The following KBTBD7 variants were observed in gnomAD, a reference collection of about 807,000 sequenced individuals.
KBTBD7 encodes kelch repeat and BTB domain-containing protein 7.
A neutral mutation model predicts 50.3 loss-of-function variants in KBTBD7; 25 were observed. That is an observed-to-expected ratio of 0.50 (90% CI 0.36 to 0.69). The LOEUF (loss-of-function observed/expected upper bound fraction) is 0.69, where lower values mean the gene tolerates loss of function less well. Ranked by LOEUF, KBTBD7 falls within the 30% of genes least tolerant of loss-of-function variation. KBTBD7 has a pLI of 0.00. For missense variants in KBTBD7, 653 were observed against 869.5 expected (o/e 0.75, Z 3.13); for synonymous variants, 305 against 325.3 (o/e 0.94, Z 0.67).
At position 41,192,195 on chromosome 13, in the gene KBTBD7, A is replaced by T; in HGVS notation, c.*8T>A. The T allele has an allele frequency of 6.3e-7, 1 of 1,594,904 alleles. No individual in the cohort carries two copies. On this transcript the variant is annotated 3_prime_UTR_variant, in exon 1 of 1. Coordinates refer to ENST00000379483, the MANE Select transcript of KBTBD7 (RefSeq NM_032138.7). ...CAGTAGAAACATCTTAGTGTCTCAA[A>T]ATACTATTTACAAAGAACCCTGCTG...
rs1289103704 is a variant in KBTBD7 at position 41,194,286 on chromosome 13, G to C, written c.-29C>G. The C allele has an allele frequency of 1.9e-6, 3 of 1,604,416 alleles. No homozygotes were observed. Among genetic ancestry groups the C allele is most frequent in the Non-Finnish European group, 2.6e-6 (3 of 1,174,306 alleles). ...GGAGATGGCGACGGGCGCTGACGGC[G>C]AGAAAGGCTGCAGGACCAGGCTCTG... On this transcript the variant is annotated 5_prime_UTR_variant, in exon 1 of 1. Coordinates refer to ENST00000379483, the MANE Select transcript of KBTBD7 (RefSeq NM_032138.7).
In KBTBD7 at chr13:41,194,264, G is replaced by A; in HGVS notation, c.-7C>T. 6.2e-7 allele frequency: 1 copy of A among 1,609,422 alleles called. No individual in the cohort carries two copies. The highest frequency in any genetic ancestry group is 8.5e-7 in the Non-Finnish European group (1 of 1,176,990). ...CGTCTTCCCGGGACTGCATGGTGGA[G>A]ATGGCGACGGGCGCTGACGGCGAGA... is the stretch of plus-strand genomic sequence containing the variant. On this transcript the variant is annotated 5_prime_UTR_variant, in exon 1 of 1. Coordinates refer to ENST00000379483, the MANE Select transcript of KBTBD7 (RefSeq NM_032138.7).
chr13:41,189,928 A>G lies in KBTBD7; in HGVS notation c.*2275T>C, dbSNP rs2031346561. 6.6e-6 allele frequency: 1 copy of G among 152,214 alleles called. No individual in the cohort carries two copies. The highest frequency in any genetic ancestry group is 2.4e-5 in the African/African-American group (1 of 41,466). 9.4% of individuals were successfully genotyped at this position (152,214 alleles called of 1,614,324 possible). A position where few individuals can be genotyped will look rare whatever the true frequency, so the allele number is the denominator to read the frequency against. On this transcript the variant is annotated 3_prime_UTR_variant, in exon 1 of 1. Coordinates refer to ENST00000379483, the MANE Select transcript of KBTBD7 (RefSeq NM_032138.7). The stretch of plus-strand genomic sequence containing the variant: ...CATCTACTCCTTAATTCACAAATAG[A>G]TCACAAAACCAAGATCCTTCCCAAG...
chr13:41,192,713 A>G lies in KBTBD7; in HGVS notation c.1545T>C (p.Phe515=). ...LNCASLKRSD[F]QEACVFNDEI... ...CATCATTGAAGACACATGCTTCCTG[A>G]AAGTCACTACGTTTAAGAGAAGCAC... The change falls in exon 1 of 1, where the codon TTT becomes TTC. Residue 515 remains phenylalanine (F), a synonymous_variant. Transcript: ENST00000379483. 1 of 1,614,214 alleles carries G rather than the reference A, an allele frequency of 6.2e-7. No homozygotes were observed. The highest frequency in any genetic ancestry group is 8.5e-7 in the Non-Finnish European group (1 of 1,180,036).
Position 41,194,441 on chromosome 13 carries a change from T to C in KBTBD7, c.-184A>G. On this transcript the variant is annotated 5_prime_UTR_variant, in exon 1 of 1. Transcript: ENST00000379483. ...CTCCCTTTATTGCATAGACAGTGGCTGACTCACCCTCTCTCACTCCCGCGC... is the reference window on the plus strand; with the variant it reads ...CTCCCTTTATTGCATAGACAGTGGCCGACTCACCCTCTCTCACTCCCGCGC... 6 of 753,566 alleles carry C rather than the reference T, an allele frequency of 8.0e-6. No homozygotes were observed. Among genetic ancestry groups the C allele is most frequent in the South Asian group, 2.0e-5 (1 of 51,120 alleles). The allele number at this position is 753,566 out of a possible 1,614,324, so 46.7% of individuals were successfully genotyped here.
Position 41,192,553 on chromosome 13 carries a change from G to C in KBTBD7, c.1705C>G (p.Leu569Val). 1.2e-6 allele frequency: 2 copies of C among 1,614,212 alleles called. No homozygotes were observed. The highest frequency in any genetic ancestry group is 1.7e-6 in the Non-Finnish European group (2 of 1,180,028). ...YQIVNHDQKL[L>V]LITSTTPQWK... Reference sequence around the variant, plus strand: ...TGTGGGGTTGTAGAAGTGATGAGAAGCAACTTTTGGTCATGATTGACAATC... The same window carrying C: ...TGTGGGGTTGTAGAAGTGATGAGAACCAACTTTTGGTCATGATTGACAATC... Residue 569 changes from leucine to valine, a missense_variant, in exon 1 of 1, where the codon CTT (leucine) becomes GTT (valine). Transcript: ENST00000379483.
Position 41,192,883 on chromosome 13 carries a change from C to T in KBTBD7, c.1375G>A (p.Val459Ile), listed in dbSNP as rs2031427419. Reference sequence around the variant, plus strand: ...ACCAATGCCCACTGGTTTCTCTGAACACTGTAGCATTCCACTTCCTTCAAC... The same window carrying T: ...ACCAATGCCCACTGGTTTCTCTGAATACTGTAGCATTCCACTTCCTTCAAC... ...VKLKEVECYSVQRNQWALVAP... is the reference protein window; with the variant it reads ...VKLKEVECYSIQRNQWALVAP... The change falls in exon 1 of 1, where the codon GTT becomes ATT. Residue 459 changes from valine to isoleucine, a missense_variant. Transcript: ENST00000379483. The T allele has an allele frequency of 4.3e-6, 7 of 1,614,218 alleles. No individual in the cohort carries two copies. The Middle Eastern group carries it at 8.2e-4, about 190-fold the overall frequency.
rs753184411 is a variant in KBTBD7, at chr13:41,192,788, G to A, written c.1470C>T (p.Asn490=). ...GATCATAGCAAAGCATGCGCTTACT[G>A]TTGACAGCATAAAGATAGTTCTGAA... ...IVVQNYLYAV[N]SKRMLCYDPS... Residue 490 remains asparagine, a synonymous_variant, in exon 1 of 1, where the codon AAC becomes AAT. Coordinates refer to ENST00000379483, the MANE Select transcript of KBTBD7 (RefSeq NM_032138.7). The A allele has an allele frequency of 1.2e-5, 20 of 1,614,058 alleles. No homozygotes were observed. The highest frequency in any genetic ancestry group is 3.4e-6 in the Non-Finnish European group (4 of 1,180,026).
chr13:41,193,943 G>A lies in KBTBD7; in HGVS notation c.315C>T (p.Tyr105=). 2 of 1,613,838 alleles carry A rather than the reference G, an allele frequency of 1.2e-6. No individual in the cohort carries two copies. The highest frequency in any genetic ancestry group is 1.7e-6 in the Non-Finnish European group (2 of 1,179,850). The change falls in exon 1 of 1, where the codon TAC becomes TAT. Residue 105 remains tyrosine (Y), a synonymous_variant. Coordinates refer to ENST00000379483, the MANE Select transcript of KBTBD7 (RefSeq NM_032138.7). This position sits in a 1 kb window ranked among gnomAD's most constrained non-coding sequence, Gnocchi z 5.7. ...YFKSMFTGGM[Y]ESQQASVTMH... ...TGGTCACGCTGGCCTGCTGGCTCTC[G>A]TACATGCCACCTGTGAACATGCTCT...
Position 41,192,787 on chromosome 13 carries a change from TG to T in KBTBD7, c.1470del (p.Asn490LysfsTer16). ...IVVQNYLYAVNSKRMLCYDPS... is the reference protein window; with the variant it reads ...IVVQNYLYAVXSKRMLCYDPS... ...GGATCATAGCAAAGCATGCGCTTAC[TG>T]TTGACAGCATAAAGATAGTTCTGAA... On this transcript the variant is annotated frameshift_variant, in exon 1 of 1. Coordinates refer to ENST00000379483, the MANE Select transcript of KBTBD7 (RefSeq NM_032138.7). LOFTEE classifies it high-confidence loss of function. 6.2e-7 allele frequency: 1 copy of T among 1,614,214 alleles called. No homozygotes were observed. The highest frequency in any genetic ancestry group is 1.7e-5 in the Admixed American group (1 of 60,028).
chr13:41,194,418 C>A lies in KBTBD7; in HGVS notation c.-161G>T, dbSNP rs1566036005. The A allele has an allele frequency of 1.1e-6, 1 of 901,714 alleles. No individual in the cohort carries two copies. The highest frequency in any genetic ancestry group is 1.7e-6 in the Non-Finnish European group (1 of 598,498). 55.9% of individuals were successfully genotyped at this position (901,714 alleles called of 1,614,324 possible). ...TCAGCCCTATCCCGCGGTGAGGCCT[C>A]CCTTTATTGCATAGACAGTGGCTGA... On this transcript the variant is annotated 5_prime_UTR_variant, in exon 1 of 1. Coordinates refer to ENST00000379483, the MANE Select transcript of KBTBD7 (RefSeq NM_032138.7).
chr13:41,192,248 T>C lies in KBTBD7; in HGVS notation c.2010A>G (p.Gln670=). Residue 670 remains glutamine, a synonymous_variant, in exon 1 of 1, where the codon CAA becomes CAG. Coordinates refer to ENST00000379483, the MANE Select transcript of KBTBD7 (RefSeq NM_032138.7). ...SSFSDDEVWV[Q]VAPQRNAQDQ... is the part of the protein sequence containing the mutation. ...CCTGTGCATTTCGCTGAGGTGCTAC[T>C]TGCACCCAGACTTCATCATCTGAAA... is the stretch of plus-strand genomic sequence containing the variant. 1 of 1,614,140 alleles carries C rather than the reference T, an allele frequency of 6.2e-7. No individual in the cohort carries two copies. The highest frequency in any genetic ancestry group is 8.5e-7 in the Non-Finnish European group (1 of 1,179,996).
Position 41,194,527 on chromosome 13 carries a change from A to C in KBTBD7, c.-270T>G. Reference sequence around the variant, plus strand: ...CTGGCTTGCAGCCGCGGAAGCCCCCACTGCCGCGCTGGCGATCCCGCTAGG... The same window carrying C: ...CTGGCTTGCAGCCGCGGAAGCCCCCCCTGCCGCGCTGGCGATCCCGCTAGG... On this transcript the variant is annotated 5_prime_UTR_variant, in exon 1 of 1. Coordinates refer to ENST00000379483, the MANE Select transcript of KBTBD7 (RefSeq NM_032138.7). The C allele has an allele frequency of 5.8e-6, 3 of 520,922 alleles. No homozygotes were observed. The highest frequency in any genetic ancestry group is 7.0e-6 in the Non-Finnish European group (2 of 284,478). 32.3% of individuals were successfully genotyped at this position (520,922 alleles called of 1,614,324 possible).
Position 41,191,352 on chromosome 13 carries a change from G to C in KBTBD7, c.*851C>G, listed in dbSNP as rs1462868476. On this transcript the variant is annotated 3_prime_UTR_variant, in exon 1 of 1. Transcript: ENST00000379483. ...TCTGAGTCAGTAAAGCATGTATTGG[G>C]CATAAATTAAAAACACAAACATAAA... 1.3e-5 allele frequency: 2 copies of C among 148,924 alleles called. No individual in the cohort carries two copies. Among genetic ancestry groups the C allele is most frequent in the Non-Finnish European group, 3.0e-5 (2 of 67,498 alleles). 9.2% of individuals were successfully genotyped at this position (148,924 alleles called of 1,614,324 possible).
In KBTBD7 at chr13:41,193,759, G is replaced by A. The variant is rs780667713; in HGVS notation, c.499C>T (p.Arg167Cys). The A allele has an allele frequency of 3.1e-6, 5 of 1,614,116 alleles. No individual in the cohort carries two copies. The highest frequency in any genetic ancestry group is 1.1e-5 in the South Asian group (1 of 91,082). ...REACASFLAR[R>C]LDLTNCTAIL... The stretch of plus-strand genomic sequence containing the variant: ...GCGGTGCAGTTGGTCAGGTCAAGAC[G>A]TCGGGCTAAGAAGGAGGCACAGGCT... The change falls in exon 1 of 1, where the codon CGT becomes TGT. Residue 167 changes from arginine (R) to cysteine (C), a missense_variant. By Grantham distance (180) the Arg-to-Cys change is radical (BLOSUM62 -3). Around this residue, in one of 3 missense-constraint regions of KBTBD7, gnomAD observed 526 missense variants for 717.1 expected, o/e 0.73. Transcript: ENST00000379483. The surrounding 1 kb of genome is among the most constrained non-coding windows in gnomAD (Gnocchi z 5.7).
chr13:41,194,405 C>G lies in KBTBD7; in HGVS notation c.-148G>C. 11 of 1,039,690 alleles carry G rather than the reference C, an allele frequency of 1.1e-5. No individual in the cohort carries two copies. Among genetic ancestry groups the G allele is most frequent in the Non-Finnish European group, 1.5e-5 (11 of 723,182 alleles). The allele number at this position is 1,039,690 out of a possible 1,614,324, so 64.4% of individuals were successfully genotyped here. On this transcript the variant is annotated 5_prime_UTR_variant, in exon 1 of 1. Transcript: ENST00000379483. ...CGCACTTCTGAATTCAGCCCTATCC[C>G]GCGGTGAGGCCTCCCTTTATTGCAT...
In KBTBD7 at chr13:41,193,305, C is replaced by T; in HGVS notation, c.953G>A (p.Ser318Asn). 6.2e-7 allele frequency: 1 copy of T among 1,611,946 alleles called. No homozygotes were observed. The highest frequency in any genetic ancestry group is 8.5e-7 in the Non-Finnish European group (1 of 1,178,464). The change falls in exon 1 of 1, where the codon AGC becomes AAC. Residue 318 changes from serine to asparagine, a missense_variant. By Grantham distance (46) the Ser-to-Asn change is conservative (BLOSUM62 1). Around this residue, in one of 3 missense-constraint regions of KBTBD7, gnomAD observed 526 missense variants for 717.1 expected, o/e 0.73. Transcript: ENST00000379483. The surrounding 1 kb of genome is among the most constrained non-coding windows in gnomAD (Gnocchi z 5.7). ...AGAGTTGCTGCTGCTACTGCTGCTG[C>T]TGCTGTTTGGCACTGGCACCAGAGA... ...YKSLVPVPNS[S>N]SSSSSSNSLV...
Position 41,192,222 on chromosome 13 carries a change from T to C in KBTBD7, c.2036A>G (p.Asp679Gly), listed in dbSNP as rs1401389295. Residue 679 changes from aspartate (D) to glycine (G), a missense_variant, in exon 1 of 1, where the codon GAT becomes GGT. Asp to Gly is a moderately conservative substitution (Grantham distance 94, BLOSUM62 -1). Around this residue, in one of 3 missense-constraint regions of KBTBD7, gnomAD observed 526 missense variants for 717.1 expected, o/e 0.73. Coordinates refer to ENST00000379483, the MANE Select transcript of KBTBD7 (RefSeq NM_032138.7). ...VQVAPQRNAQ[D>G]QQGSL ...TACTATTTACAAAGAACCCTGCTGATCCTGTGCATTTCGCTGAGGTGCTAC... is the reference window on the plus strand; with the variant it reads ...TACTATTTACAAAGAACCCTGCTGACCCTGTGCATTTCGCTGAGGTGCTAC... 6.8e-6 allele frequency: 11 copies of C among 1,613,460 alleles called. No homozygotes were observed. The highest frequency in any genetic ancestry group is 2.2e-5 in the South Asian group (2 of 90,996).
rs141467119 is a variant in KBTBD7, at chr13:41,192,862, A to G, written c.1396T>C (p.Leu466=). Residue 466 remains leucine, a synonymous_variant, in exon 1 of 1, where the codon TTG becomes CTG. Transcript: ENST00000379483. ...CYSVQRNQWA[L]VAPVPHSFYS... is the part of the protein sequence containing the mutation. ...AAGGAATGAGGGACAGGAGCCACCAATGCCCACTGGTTTCTCTGAACACTG... is the reference window on the plus strand; with the variant it reads ...AAGGAATGAGGGACAGGAGCCACCAGTGCCCACTGGTTTCTCTGAACACTG... 2.0e-5 allele frequency: 32 copies of G among 1,614,056 alleles called. No homozygotes were observed. The highest frequency in any genetic ancestry group is 8.9e-5 in the East Asian group (4 of 44,896).
Sources: gnomAD v4.1 joint callset for allele counts on GRCh38, gnomAD v4.1.1 for gene constraint, gnomAD v4.1.1 regional missense constraint, Gnocchi (gnomAD v3.1) non-coding constraint, MANE v1.5 for transcripts, NCBI Gene and HGNC (gene_info 2026-07-23, HGNC 2026-07-21) for gene names.